Variants in P4HA1 observed in about 807,000 individuals in gnomAD.
P4HA1 encodes the protein prolyl 4-hydroxylase subunit alpha 1.
P4HA1 carries 24 observed loss-of-function variants against 72.8 expected under a neutral mutation model. That is an observed-to-expected ratio of 0.33 (90% confidence interval 0.24 to 0.46). The LOEUF (loss-of-function observed/expected upper bound fraction) is 0.46, where lower values mean the gene tolerates loss of function less well. Among genes scored for constraint, P4HA1 ranks in the 20% least tolerant of loss-of-function variants. P4HA1 has a pLI of 1.00. For synonymous variants in P4HA1, 201 were observed against 218.8 expected (o/e 0.92, Z 0.72); for missense variants, 446 against 640.6 (o/e 0.70, Z 3.28).
At chr10:73,059,299 C>T (rs2133110342) in intron 5 of P4HA1, among the ~76,000 whole-genome samples, 1 of 151,260 alleles carries the variant, frequency 6.6e-6, no homozygotes, top group African/African-American at 2.4e-5. Context: ...TAATTAAAAA[C>T]AATAAATTGG....
Position 73,053,590 on chromosome 10 carries a change from C to T in P4HA1, c.464G>A (p.Gly155Glu). The T allele has an allele frequency of 2.5e-6, 4 of 1,612,824 alleles. No individual in the cohort carries two copies. The highest frequency in any genetic ancestry group is 3.4e-6 in the Non-Finnish European group (4 of 1,179,560). The change falls in exon 6 of 15, where the codon GGA becomes GAA. Residue 155 changes from glycine (G) to glutamate (E), a missense_variant and splice_region_variant. By Grantham distance (98) the Gly-to-Glu change is moderately conservative. Coordinates refer to ENST00000394890, the MANE Select transcript of P4HA1 (RefSeq NM_001017962.3). The stretch of plus-strand genomic sequence containing the variant: ...CGTTAGAAAAGATTTGTGTTTCACT[C>T]CTATGAAAAGAAAATACAGAGAACT... ...TDTISKGNLP[G>E]VKHKSFLTAE...
chr10:73,080,227 C>A (rs1349323995), intron 1 of P4HA1, among the ~76,000 whole-genome samples: 1 of 152,208 alleles, frequency 6.6e-6, no homozygotes, highest in Admixed American at 6.5e-5. Context: ...AGTTCAGACC[C>A]ATACAACATT....
At chr10:73,077,964 G>C (rs1841738150) in intron 1 of P4HA1, among the ~76,000 whole-genome samples, 1 of 149,486 alleles carries the variant, frequency 6.7e-6, no homozygotes, top group Non-Finnish European at 1.5e-5. Context: ...TCTCCAGTCT[G>C]GGCAATAAAG....
At chr10:73,046,163 C>A (rs1432016507) in intron 8 of P4HA1, among the ~76,000 whole-genome samples, 7 of 152,102 alleles carry the variant, frequency 4.6e-5, no homozygotes, top group Admixed American at 1.3e-4. Flanking sequence ...TAAAAAATAT[C>A]TAATATTGAC....
intron 9 of P4HA1, 55 bp downstream of exon 9, chr10:73,044,926 A>C: frequency 1.5e-6 from 2 of 1,364,298 alleles, no homozygotes; most frequent in Non-Finnish European, 2.1e-6. Flanking sequence ...TAATTCCTGT[A>C]AGATGTATAA....
chr10:73,008,707 G>C (rs7072071), intron 14 of P4HA1, among the ~76,000 whole-genome samples: 7,694 of 152,130 alleles, frequency 0.051, 661 homozygotes, highest in African/African-American at 0.18. Context: ...CACAAACTTT[G>C]CACTCTAAAG....
chr10:73,076,679 A>C (rs1841703960), intron 1 of P4HA1, among the ~76,000 whole-genome samples: 1 of 151,898 alleles, frequency 6.6e-6, no homozygotes, highest in Non-Finnish European at 1.5e-5. Context: ...CCCTGCTAGC[A>C]CTCTTCTCTT....
intron 1 of P4HA1, among the ~76,000 whole-genome samples, chr10:73,089,042 A>C (rs1286412070): frequency 1.3e-5 from 2 of 152,200 alleles, no homozygotes; most frequent in Non-Finnish European, 2.9e-5. Flanking sequence ...TGAGATTTGG[A>C]CTAGAAATGT....
intron 12 of P4HA1, among the ~76,000 whole-genome samples, chr10:73,013,939 ATAT>A (rs1839962458): frequency 6.6e-6 from 1 of 152,162 alleles, no homozygotes; most frequent in African/African-American, 2.4e-5. Context: ...TTATATACAC[ATAT>A]TATATATTAC....
At chr10:73,011,282 G>A (rs983039724) in intron 12 of P4HA1, among the ~76,000 whole-genome samples, 1 of 152,168 alleles carries the variant, frequency 6.6e-6, no homozygotes, top group Non-Finnish European at 1.5e-5. Context: ...GAAGACTGGG[G>A]ATATAATTTG....
At chr10:73,050,990 G>C (rs779349715) in intron 7 of P4HA1, 63 bp downstream of exon 7, 1 of 1,141,738 alleles carries the variant, frequency 8.8e-7, no homozygotes, top group Non-Finnish European at 1.3e-6. Context: ...ATTCTCTCCA[G>C]AACTGTGTAC....
intron 5 of P4HA1, among the ~76,000 whole-genome samples, chr10:73,064,783 G>C (rs895058274): frequency 1.3e-5 from 2 of 150,222 alleles, no homozygotes; most frequent in African/African-American, 4.9e-5. Flanking sequence ...AGAGGTTGCA[G>C]TGAGCCGAGC....
chr10:73,071,548 C>A (rs1841566850), intron 4 of P4HA1, among the ~76,000 whole-genome samples: 1 of 152,142 alleles, frequency 6.6e-6, no homozygotes, highest in Admixed American at 6.5e-5. Flanking sequence ...AATGCTCCAA[C>A]TACAAATTGT....
At chr10:73,095,227 TAAAAAAAAAAA>T (rs35159575) in intron 1 of P4HA1, among the ~76,000 whole-genome samples, 4 of 67,314 alleles carry the variant, frequency 5.9e-5, no homozygotes, top group South Asian at 4.4e-4. Context: ...GCTCACAAGC[TAAAAAAAAAAA>T]AAAAAAAAAA....
At chr10:73,044,258 CTT>C (rs1249479439) in intron 9 of P4HA1, among the ~76,000 whole-genome samples, 2 of 152,000 alleles carry the variant, frequency 1.3e-5, no homozygotes, top group Non-Finnish European at 2.9e-5. Flanking sequence ...TTCACAGAAA[CTT>C]TCTCAGATCT....
At chr10:73,092,258 T>G (rs949412148) in intron 1 of P4HA1, among the ~76,000 whole-genome samples, 4 of 152,160 alleles carry the variant, frequency 2.6e-5, no homozygotes, top group Non-Finnish European at 5.9e-5. Context: ...GTAATTTTTA[T>G]GTCCTACTTC....
chr10:73,030,407 T>C (rs372502207), intron 9 of P4HA1, 37 bp from the exon 10 acceptor site: 8 of 1,099,790 alleles, frequency 7.3e-6, no homozygotes, highest in Non-Finnish European at 1.1e-5. Flanking sequence ...ATTGATAATG[T>C]TTCATTACAT....
chr10:73,085,386 A>AT (rs143726385), intron 1 of P4HA1, among the ~76,000 whole-genome samples: 22,915 of 146,566 alleles, frequency 0.16, 2,872 homozygotes, highest in East Asian at 0.55. Context: ...GAACTCAATA[A>AT]TTTTTTTTTT....
intron 9 of P4HA1, among the ~76,000 whole-genome samples, chr10:73,040,476 ATT>A (rs1217054869): frequency 7.3e-5 from 9 of 123,536 alleles, no homozygotes; most frequent in Admixed American, 1.6e-4. Context: ...GAATTCATGA[ATT>A]TTTTTTTTTT....
Sources: allele counts gnomAD v4.1 joint callset (sites outside exome capture counted in the v4.1 genomes callset), GRCh38; gene constraint gnomAD v4.1.1; transcripts MANE v1.5; gene names NCBI Gene and HGNC (gene_info 2026-07-23, HGNC 2026-07-21).